KRR1: variants seen among roughly 807,000 people sequenced by gnomAD.
KRR1 encodes KRR1 small subunit processome component homolog.
In KRR1, 23 loss-of-function variants were observed where a neutral mutation model predicts 50.0. The ratio of observed to expected loss-of-function variants is 0.46; its 90% CI spans 0.33 to 0.65. The LOEUF (loss-of-function observed/expected upper bound fraction) is 0.65, where lower values mean the gene tolerates loss of function less well. KRR1 is among the 30% of genes least tolerant of loss of function. The probability of loss-of-function intolerance (pLI) is 0.02; values close to 1 mark genes in which losing one functional copy is unlikely to be tolerated. For missense variants in KRR1, 419 were observed against 442.4 expected (o/e 0.95, Z 0.47); for synonymous variants, 133 against 146.3 (o/e 0.91, Z 0.66).
At chr12:75,504,112 A>G (rs1406565826) in intron 6 of KRR1, 38 bp from the exon 7 acceptor site, 3 of 1,459,460 alleles carry the variant, frequency 2.1e-6, no homozygotes, top group Non-Finnish European at 1.9e-6. Context: ...TTTACTTTCC[A>G]AAGTCACACA....
Position 75,492,864 on chromosome 12 carries a change from C to CTATA in KRR1, c.*6941_*6944dup, listed in dbSNP as rs1454921951. ...GCATCATTATGGGGCAATTAAGGAA[C>CTATA]TATAAATAATACTGTAATAGAAACT... On this transcript the variant is annotated 3_prime_UTR_variant, in exon 10 of 10. Coordinates refer to ENST00000229214, the MANE Select transcript of KRR1 (RefSeq NM_007043.7). 3.3e-5 allele frequency: 5 copies of CTATA among 152,082 alleles called. No homozygotes were observed. Among genetic ancestry groups the CTATA allele is most frequent in the African/African-American group, 1.2e-4 (5 of 41,406 alleles). The allele number at this position is 152,082 out of a possible 1,614,324, so 9.4% of individuals were successfully genotyped here. A position where few individuals can be genotyped will look rare whatever the true frequency, so the allele number is the denominator to read the frequency against.
chr12:75,498,592 G>A lies in KRR1; in HGVS notation c.*1217C>T, dbSNP rs1686274544. On this transcript the variant is annotated 3_prime_UTR_variant, in exon 10 of 10. Transcript: ENST00000229214. ...GGAAAGTCACTGCAATAAAGCCAAA[G>A]CAAGTTAATGGTCATAATTATAAGA... The A allele has an allele frequency of 1.1e-6, 1 of 889,822 alleles. No individual in the cohort carries two copies. The allele number at this position is 889,822 out of a possible 1,614,324, so 55.1% of individuals were successfully genotyped here.
chr12:75,501,984 G>A lies in KRR1; in HGVS notation c.848C>T (p.Ala283Val). Residue 283 changes from alanine (A) to valine (V), a missense_variant, in exon 8 of 10, where the codon GCT becomes GTT. Physicochemically the swap from Ala to Val is moderately conservative, Grantham distance 64. Coordinates refer to ENST00000229214, the MANE Select transcript of KRR1 (RefSeq NM_007043.7). ...QPESQIDKEL[A>V]SGEYFLKANQ... The stretch of plus-strand genomic sequence containing the variant: ...TGCCTTCAAAAAGTATTCACCACTA[G>A]CCAATTCTTTATCGATCTGTTGAAA... The A allele has an allele frequency of 6.2e-7, 1 of 1,611,408 alleles. No individual in the cohort carries two copies. The highest frequency in any genetic ancestry group is 8.5e-7 in the Non-Finnish European group (1 of 1,178,646).
chr12:75,501,399 C>T (rs2046392817), intron 9 of KRR1: 1 of 225,982 alleles, frequency 4.4e-6, no homozygotes, highest in Non-Finnish European at 8.7e-6. Flanking sequence ...AGAGGCATGA[C>T]AGCAGAGCTC....
intron 9 of KRR1, 78 bp from the exon 10 acceptor site, chr12:75,500,029 A>AAT: frequency 8.6e-7 from 1 of 1,163,302 alleles, no homozygotes; most frequent in East Asian, 2.6e-5. Context: ...TTTAACAAAG[A>AAT]ATATATGTTT....
rs2046421854 is a variant in KRR1, at chr12:75,506,441, G to A, written c.520-42C>T. On this transcript the variant is annotated intron_variant, in intron 4 of 9. Coordinates refer to ENST00000229214, the MANE Select transcript of KRR1 (RefSeq NM_007043.7). ...AGTTAAAATTCATTACTCTGAAAAA[G>A]TATTAAGGAAGAGACTCAAGTTTTC... The A allele has an allele frequency of 2.5e-6, 4 of 1,604,538 alleles. No individual in the cohort carries two copies. In the Admixed American group the frequency reaches 5.3e-5, roughly 21 times the overall value.
Position 75,498,512 on chromosome 12 carries a change from C to T in KRR1, c.*1297G>A, listed in dbSNP as rs1247268052. ...TTATAAAGTTTATGTAAAAAGTCAA[C>T]TTAAAAATACCAAGTTAATTCAGTC... On this transcript the variant is annotated 3_prime_UTR_variant, in exon 10 of 10. Coordinates refer to ENST00000229214, the MANE Select transcript of KRR1 (RefSeq NM_007043.7). 5.6e-6 allele frequency: 3 copies of T among 533,200 alleles called. No homozygotes were observed. Among genetic ancestry groups the T allele is most frequent in the South Asian group, 6.1e-5 (2 of 32,868 alleles). The allele number at this position is 533,200 out of a possible 1,614,324, so 33.0% of individuals were successfully genotyped here. A position where few individuals can be genotyped will look rare whatever the true frequency, so the allele number is the denominator to read the frequency against.
chr12:75,500,652 A>T (rs2046387296), intron 9 of KRR1: 1 of 149,706 alleles, frequency 6.7e-6, no homozygotes, highest in Admixed American at 6.6e-5. Context: ...CCAACTATCT[A>T]ATCAATGCCA....
At chr12:75,509,720 G>A (rs1399551984) in intron 1 of KRR1, among the ~76,000 whole-genome samples, 2 of 150,398 alleles carry the variant, frequency 1.3e-5, no homozygotes, top group South Asian at 2.1e-4. Flanking sequence ...AGCCTCACAA[G>A]TAGCTGGTAC....
chr12:75,508,320 T>C lies in KRR1; in HGVS notation c.212A>G (p.Tyr71Cys), dbSNP rs2046431864. The C allele has an allele frequency of 6.2e-7, 1 of 1,613,434 alleles. No individual in the cohort carries two copies. The highest frequency in any genetic ancestry group is 1.3e-5 in the African/African-American group (1 of 74,894). Reference protein sequence around the residue: ...ATLFPKYREAYLKECWPLVQK... With the variant: ...ATLFPKYREACLKECWPLVQK... ...CACCAATGGCCAACACTCTTTCAAGTAAGCTTCCCTGTATTTTGGGAACAA... is the reference window on the plus strand; with the variant it reads ...CACCAATGGCCAACACTCTTTCAAGCAAGCTTCCCTGTATTTTGGGAACAA... Residue 71 changes from tyrosine to cysteine, a missense_variant, in exon 2 of 10, where the codon TAC (tyrosine) becomes TGC (cysteine). Tyr to Cys is a radical substitution (Grantham distance 194). Transcript: ENST00000229214.
At position 75,499,281 on chromosome 12, in the gene KRR1, G is replaced by GTAAC. The variant is rs553157171; in HGVS notation, c.*524_*527dup. 340 of 210,876 alleles carry GTAAC rather than the reference G, an allele frequency of 1.6e-3. 1 individual carries two copies. The highest frequency in any genetic ancestry group is 7.3e-3 in the African/African-American group (320 of 43,850). The allele number at this position is 210,876 out of a possible 1,614,324, so 13.1% of individuals were successfully genotyped here. On this transcript the variant is annotated 3_prime_UTR_variant, in exon 10 of 10. Transcript: ENST00000229214. ...GTAGCACATTTTTAGGTGATTCTTAGTAACTCCAGTAGCCTTCATTAGTTA... is the reference window on the plus strand; with the variant it reads ...GTAGCACATTTTTAGGTGATTCTTAGTAACTAACTCCAGTAGCCTTCATTAGTTA...
chr12:75,506,663 C>T, intron 3 of KRR1, 54 bp from the exon 4 acceptor site: 2 of 1,477,148 alleles, frequency 1.4e-6, no homozygotes, highest in African/African-American at 1.5e-5. Flanking sequence ...TTTACAATTA[C>T]ATTCATTTTC....
Position 75,492,907 on chromosome 12 carries a change from C to CT in KRR1, c.*6901dup, listed in dbSNP as rs1044550180. 1.3e-5 allele frequency: 2 copies of CT among 152,118 alleles called. No individual in the cohort carries two copies. The highest frequency in any genetic ancestry group is 2.9e-5 in the Non-Finnish European group (2 of 68,028). The allele number at this position is 152,118 out of a possible 1,614,324, so 9.4% of individuals were successfully genotyped here. On this transcript the variant is annotated 3_prime_UTR_variant, in exon 10 of 10. Transcript: ENST00000229214. ...TAGAAACTATCAATAGGCAAGGCCC[C>CT]TGTTTAGAATAATCAGGGAAGGGCT... is the stretch of plus-strand genomic sequence containing the variant.
At position 75,492,495 on chromosome 12, in the gene KRR1, T is replaced by C. The variant is rs1257980967; in HGVS notation, c.*7314A>G. 1 of 152,224 alleles carries C rather than the reference T, an allele frequency of 6.6e-6. No individual in the cohort carries two copies. The highest frequency in any genetic ancestry group is 1.5e-5 in the Non-Finnish European group (1 of 68,042). The allele number at this position is 152,224 out of a possible 1,614,324, so 9.4% of individuals were successfully genotyped here. ...AGATCAGGGTTACAGGACCCATCACTTAGAGTAGCTATGAAAGTGACAAGA... is the reference window on the plus strand; with the variant it reads ...AGATCAGGGTTACAGGACCCATCACCTAGAGTAGCTATGAAAGTGACAAGA... On this transcript the variant is annotated 3_prime_UTR_variant, in exon 10 of 10. Coordinates refer to ENST00000229214, the MANE Select transcript of KRR1 (RefSeq NM_007043.7).
intron 2 of KRR1, 71 bp downstream of exon 2, chr12:75,508,203 G>C: frequency 9.7e-7 from 1 of 1,027,428 alleles, no homozygotes; most frequent in Non-Finnish European, 1.4e-6. Flanking sequence ...AAAAGCATTA[G>C]CATACATACA....
intron 1 of KRR1, 61 bp from the exon 2 acceptor site, chr12:75,508,507 AT>A: frequency 7.9e-7 from 1 of 1,267,240 alleles, no homozygotes; most frequent in Admixed American, 2.3e-5. Context: ...TACACATCAC[AT>A]TTTAACTGTC....
intron 1 of KRR1, 108 bp from the exon 2 acceptor site, chr12:75,508,554 C>T (rs2046433116): frequency 5.8e-6 from 4 of 686,868 alleles, no homozygotes; most frequent in African/African-American, 1.9e-5. Flanking sequence ...TGCACATATT[C>T]ACAAACCTTC....
chr12:75,494,441 G>A lies in KRR1; in HGVS notation c.*5368C>T, dbSNP rs1397546414. 6.6e-6 allele frequency: 1 copy of A among 152,052 alleles called. No homozygotes were observed. The highest frequency in any genetic ancestry group is 6.5e-5 in the Admixed American group (1 of 15,274). 9.4% of individuals were successfully genotyped at this position (152,052 alleles called of 1,614,324 possible). A position where few individuals can be genotyped will look rare whatever the true frequency, so the allele number is the denominator to read the frequency against. On this transcript the variant is annotated 3_prime_UTR_variant, in exon 10 of 10. Coordinates refer to ENST00000229214, the MANE Select transcript of KRR1 (RefSeq NM_007043.7). ...CATACCACATTCCACTTGCTGCAGA[G>A]AACTCAAAATATAGTTTGTGTTCAT...
intron 5 of KRR1, among the ~76,000 whole-genome samples, chr12:75,505,946 A>G (rs1367925224): frequency 6.6e-6 from 1 of 152,156 alleles, no homozygotes; most frequent in Non-Finnish European, 1.5e-5. Context: ...GGCTGTATAC[A>G]CTACTGCAAA....
Sources: allele counts gnomAD v4.1 joint callset (sites outside exome capture counted in the v4.1 genomes callset), GRCh38; gene constraint gnomAD v4.1.1; transcripts MANE v1.5; gene names NCBI Gene and HGNC (gene_info 2026-07-23, HGNC 2026-07-21).